The following PHACTR1 variants were observed in gnomAD, a reference collection of about 807,000 sequenced individuals.
PHACTR1 encodes phosphatase and actin regulator 1.
PHACTR1 carries 16 observed loss-of-function variants against 69.2 expected under a neutral mutation model. That is an observed-to-expected ratio of 0.23 (90% CI 0.16 to 0.35). The LOEUF (loss-of-function observed/expected upper bound fraction) is 0.35. Ranked by LOEUF, PHACTR1 falls within the 10% of genes least tolerant of loss-of-function variation. The pLI is 1.00. For synonymous variants in PHACTR1, 312 were observed against 284.5 expected (o/e 1.10, Z -0.97); for missense variants, 510 against 734.7 (o/e 0.69, Z 3.54).
chr6:12,907,419 C>G (rs1389553441), intron 4 of PHACTR1, among the ~76,000 whole-genome samples: 1 of 152,172 alleles, frequency 6.6e-6, no homozygotes, highest in African/African-American at 2.4e-5. Context: ...TGAATAGTTG[C>G]TAGTGTCTTT....
chr6:13,169,057 G>A (rs1251454764), intron 6 of PHACTR1, among the ~76,000 whole-genome samples: 1 of 152,114 alleles, frequency 6.6e-6, no homozygotes. Context: ...TGTGATGGTG[G>A]GTAGTGGGGA....
At chr6:12,836,158 C>A (rs936760661) in intron 4 of PHACTR1, among the ~76,000 whole-genome samples, 2 of 152,124 alleles carry the variant, frequency 1.3e-5, no homozygotes, top group African/African-American at 4.8e-5. Context: ...ATCAGCCTCA[C>A]CTGACTTCTA....
intron 5 of PHACTR1, among the ~76,000 whole-genome samples, chr6:13,071,647 C>G (rs1228938269): frequency 1.3e-5 from 2 of 152,110 alleles, no homozygotes; most frequent in East Asian, 3.9e-4. Context: ...AATGTTTGGT[C>G]TATTTTGGTC....
chr6:12,984,466 T>C (rs768958772), intron 4 of PHACTR1, among the ~76,000 whole-genome samples: 4 of 152,218 alleles, frequency 2.6e-5, no homozygotes, highest in Non-Finnish European at 5.9e-5. Flanking sequence ...CCAGAGGGCA[T>C]AGATAGTGGG....
chr6:12,725,418 C>T (rs1463954253), intron 3 of PHACTR1, among the ~76,000 whole-genome samples: 1 of 152,218 alleles, frequency 6.6e-6, no homozygotes, highest in African/African-American at 2.4e-5. Flanking sequence ...GTCACCTCCC[C>T]TGTGAAGCTT....
At chr6:13,286,306 C>T in intron 14 of PHACTR1, 84 bp downstream of exon 14, 2 of 1,178,348 alleles carry the variant, frequency 1.7e-6, no homozygotes, top group Admixed American at 5.6e-5. Context: ...ACTTGTGGGA[C>T]ATGAGTGGGT....
intron 5 of PHACTR1, among the ~76,000 whole-genome samples, chr6:13,085,402 T>C (rs370024651): frequency 9.2e-5 from 14 of 152,238 alleles, no homozygotes; most frequent in African/African-American, 3.4e-4. Flanking sequence ...TAGAAAAGTT[T>C]AGAAGGTCAT....
chr6:13,197,994 A>G (rs551306035), intron 7 of PHACTR1, among the ~76,000 whole-genome samples: 1 of 152,328 alleles, frequency 6.6e-6, no homozygotes, highest in Admixed American at 6.5e-5. Context: ...ATAAGGTCCC[A>G]GGCCATGTGG....
At chr6:13,228,209 A>T in intron 9 of PHACTR1, 146 bp downstream of exon 9, 1 of 1,002,782 alleles carries the variant, frequency 1.0e-6, no homozygotes, top group South Asian at 1.7e-5. Flanking sequence ...AGCTTAGTCT[A>T]CCTGTTGGGG....
chr6:12,937,873 T>G (rs1351257236), intron 4 of PHACTR1, among the ~76,000 whole-genome samples: 1 of 152,180 alleles, frequency 6.6e-6, no homozygotes, highest in East Asian at 1.9e-4. Flanking sequence ...GGCAGAGGCA[T>G]GCTGATCACT....
At chr6:12,849,839 T>A in intron 4 of PHACTR1, among the ~76,000 whole-genome samples, 1 of 152,138 alleles carries the variant, frequency 6.6e-6, no homozygotes, top group Non-Finnish European at 1.5e-5. Context: ...CCCCAATAAT[T>A]ATATTAACTA....
At chr6:12,889,792 TCTTCC>T (rs1363996085) in intron 4 of PHACTR1, among the ~76,000 whole-genome samples, 2 of 118,204 alleles carry the variant, frequency 1.7e-5, no homozygotes, top group African/African-American at 3.2e-5. Context: ...TCCTTCTCCT[TCTTCC>T]TTTTTTTTTT....
At chr6:13,207,801 G>A (rs1195241696) in intron 8 of PHACTR1, among the ~76,000 whole-genome samples, 1 of 152,166 alleles carries the variant, frequency 6.6e-6, no homozygotes, top group East Asian at 1.9e-4. Flanking sequence ...GGGTCCTACA[G>A]ATGGAAAATG....
chr6:12,902,954 C>T (rs1785355990), intron 4 of PHACTR1, among the ~76,000 whole-genome samples: 1 of 152,204 alleles, frequency 6.6e-6, no homozygotes. Context: ...CAACCGGCCC[C>T]TTGTGACTGC....
intron 4 of PHACTR1, among the ~76,000 whole-genome samples, chr6:12,848,995 T>C (rs1347460247): frequency 1.3e-5 from 2 of 152,196 alleles, no homozygotes; most frequent in African/African-American, 4.8e-5. Flanking sequence ...TTCTTGAATT[T>C]CAAAGACAGG....
intron 4 of PHACTR1, among the ~76,000 whole-genome samples, chr6:12,907,613 T>C (rs1007491264): frequency 1.4e-4 from 22 of 152,236 alleles, no homozygotes; most frequent in African/African-American, 5.3e-4. Flanking sequence ...ATCAGCCTGG[T>C]ACCAAATTCA....
intron 4 of PHACTR1, among the ~76,000 whole-genome samples, chr6:12,886,987 C>G (rs76035850): frequency 6.6e-6 from 1 of 152,258 alleles, no homozygotes; most frequent in African/African-American, 2.4e-5. Context: ...GCGTGCAGCT[C>G]CAATGTGATA....
intron 4 of PHACTR1, among the ~76,000 whole-genome samples, chr6:12,948,900 C>T (rs1790963344): frequency 6.6e-6 from 1 of 152,094 alleles, no homozygotes; most frequent in Admixed American, 6.6e-5. Flanking sequence ...GTCATAAGAG[C>T]ACTTCAAAAT....
intron 5 of PHACTR1, among the ~76,000 whole-genome samples, chr6:13,108,047 G>A (rs547021824): frequency 3.9e-5 from 6 of 151,990 alleles, no homozygotes; most frequent in African/African-American, 1.4e-4. Context: ...CACTGCTTCA[G>A]CTACATCTCA....
Sources: gnomAD v4.1 joint callset for allele counts (sites outside exome capture counted in the v4.1 genomes callset) on GRCh38, gnomAD v4.1.1 for gene constraint, MANE v1.5 for transcripts, NCBI Gene and HGNC (gene_info 2026-07-23, HGNC 2026-07-21) for gene names.